Variants in CTNNA1 observed in about 807,000 individuals in gnomAD.
CTNNA1 encodes the protein catenin alpha 1.
A neutral mutation model predicts 98.4 loss-of-function variants in CTNNA1; 37 were observed. That is an observed-to-expected ratio of 0.38 (90% confidence interval 0.29 to 0.49). The LOEUF is 0.49. Ranked by LOEUF, CTNNA1 falls within the 20% of genes least tolerant of loss-of-function variation. The pLI is 0.95. For synonymous variants in CTNNA1, 404 were observed against 413.2 expected, an observed-to-expected ratio of 0.98 and a Z score of 0.27; for missense variants, 761 against 1,147.2, an observed-to-expected ratio of 0.66 and a Z score of 4.86.
At chr5:138,897,900 G>C (rs987780930) in intron 9 of CTNNA1, among the ~76,000 whole-genome samples, 1 of 152,196 alleles carries the variant, frequency 6.6e-6, no homozygotes, top group South Asian at 2.1e-4. Flanking sequence ...TTCTCTTGGA[G>C]CATTGGTAGG....
At chr5:138,754,463 A>G (rs908865613) in intron 1 of CTNNA1, 2 of 152,096 alleles carry the variant, frequency 1.3e-5, no homozygotes, top group Non-Finnish European at 2.9e-5. Flanking sequence ...TACAGAATTT[A>G]CAATTATTTG....
intron 1 of CTNNA1, among the ~76,000 whole-genome samples, chr5:138,756,139 A>G (rs1580829235): frequency 6.6e-6 from 1 of 151,804 alleles, no homozygotes; most frequent in Non-Finnish European, 1.5e-5. Flanking sequence ...CCTGGGTTCA[A>G]GCAACTCTCC....
chr5:138,753,509 A>C lies in CTNNA1; in HGVS notation c.-4A>C, dbSNP rs898367431. On this transcript the variant is annotated splice_region_variant and 5_prime_UTR_variant, in exon 1 of 18. Coordinates refer to ENST00000302763, the MANE Select transcript of CTNNA1 (RefSeq NM_001903.5). ...ATTTAGCGCTCGCCCAGCTAGCCGC[A>C]GGTAACTTCGTACCTCCCTCCTCGC... 8.0e-6 allele frequency: 3 copies of C among 376,934 alleles called. No individual in the cohort carries two copies. The highest frequency in any genetic ancestry group is 6.4e-5 in the African/African-American group (3 of 47,166). The allele number at this position is 376,934 out of a possible 1,614,324, so 23.3% of individuals were successfully genotyped here.
chr5:138,876,152 A>G (rs1751455745), intron 7 of CTNNA1, among the ~76,000 whole-genome samples: 1 of 152,228 alleles, frequency 6.6e-6, no homozygotes, highest in East Asian at 1.9e-4. Flanking sequence ...GATACCGTGT[A>G]GCTGGATTCT....
At chr5:138,824,864 G>A in intron 6 of CTNNA1, 65 bp downstream of exon 6, 1 of 1,497,216 alleles carries the variant, frequency 6.7e-7, no homozygotes, top group Non-Finnish European at 9.2e-7. Context: ...CAGATTTCTG[G>A]GGAAAAGTGA....
intron 3 of CTNNA1, among the ~76,000 whole-genome samples, chr5:138,801,654 T>C (rs990534656): frequency 2.6e-5 from 4 of 152,240 alleles, no homozygotes; most frequent in Admixed American, 6.5e-5. Flanking sequence ...TGGTGATAGT[T>C]CCCTGCAAAT....
intron 3 of CTNNA1, among the ~76,000 whole-genome samples, chr5:138,790,653 C>A (rs1189427170): frequency 6.6e-6 from 1 of 152,142 alleles, no homozygotes; most frequent in Non-Finnish European, 1.5e-5. Context: ...TTAGATTTCT[C>A]TTTACTAATC....
Position 138,782,070 on chromosome 5 carries a change from A to G in CTNNA1, c.105+41A>G, listed in dbSNP as rs375783640. On this transcript the variant is annotated intron_variant, in intron 2 of 17. Coordinates refer to ENST00000302763, the MANE Select transcript of CTNNA1 (RefSeq NM_001903.5). ...CACAAATACATTGTAACATGGTTCTATAGCACAGGCCTGGGTAACAACCAT... is the reference window on the plus strand; with the variant it reads ...CACAAATACATTGTAACATGGTTCTGTAGCACAGGCCTGGGTAACAACCAT... 249 of 1,578,730 alleles carry G rather than the reference A, an allele frequency of 1.6e-4. No individual in the cohort carries two copies. In the African/African-American group the frequency reaches 2.7e-3, roughly 17 times the overall value.
intron 7 of CTNNA1, among the ~76,000 whole-genome samples, chr5:138,835,718 C>T (rs147313485): frequency 2.1e-3 from 326 of 152,164 alleles, no homozygotes; most frequent in African/African-American, 6.6e-3. Flanking sequence ...TACAGTGAAG[C>T]CATTTAACAT....
chr5:138,872,751 C>T lies in CTNNA1; in HGVS notation c.1063-13461C>T, dbSNP rs185124484. 5.3e-3 allele frequency: 1,879 copies of T among 354,390 alleles called. 26 individuals are homozygous for T. Among genetic ancestry groups the T allele is most frequent in the South Asian group, 0.041 (687 of 16,556 alleles). 22.0% of individuals were successfully genotyped at this position (354,390 alleles called of 1,614,324 possible). A position where few individuals can be genotyped will look rare whatever the true frequency, so the allele number is the denominator to read the frequency against. On this transcript the variant is annotated intron_variant, in intron 7 of 17. Coordinates refer to ENST00000302763, the MANE Select transcript of CTNNA1 (RefSeq NM_001903.5). ...GTTTACACACGATTGTATATAATTACATACATTTCTTATTTTGAAGTAAGC... is the reference window on the plus strand; with the variant it reads ...GTTTACACACGATTGTATATAATTATATACATTTCTTATTTTGAAGTAAGC...
chr5:138,829,378 G>A (rs189289811), intron 7 of CTNNA1, among the ~76,000 whole-genome samples: 60 of 152,294 alleles, frequency 3.9e-4, no homozygotes, highest in Admixed American at 2.4e-3. Context: ...ATCATGGGTA[G>A]TGCTGGAAAT....
At chr5:138,889,401 A>G (rs1047520160) in intron 9 of CTNNA1, among the ~76,000 whole-genome samples, 2 of 152,174 alleles carry the variant, frequency 1.3e-5, no homozygotes, top group Admixed American at 1.3e-4. Context: ...TTCTCAGGTA[A>G]GGAAACAGGT....
In CTNNA1 at chr5:138,856,584, C is replaced by T. The variant is rs544115988; in HGVS notation, c.1062+28866C>T. On this transcript the variant is annotated intron_variant, in intron 7 of 17. Transcript: ENST00000302763. ...CTCAAACTCCTGGCCTCAAATGATC[C>T]TCCTGTGTTGGACTCCCAAAGGGCT... Among the ~76,000 whole-genome samples the T allele has an allele frequency of 5.9e-5, 9 of 152,292 alleles. No homozygotes were observed. The South Asian group carries it at 1.9e-3, about 32-fold the overall frequency.
At chr5:138,777,161 G>A (rs1272068809) in intron 1 of CTNNA1, among the ~76,000 whole-genome samples, 47 of 152,006 alleles carry the variant, frequency 3.1e-4, no homozygotes, top group East Asian at 2.0e-4. Flanking sequence ...GGGCAGAGAC[G>A]CTCCTCACCT....
intron 7 of CTNNA1, chr5:138,875,660 T>A (rs1751318213): frequency 2.2e-5 from 22 of 985,472 alleles, no homozygotes; most frequent in Non-Finnish European, 2.7e-5. Flanking sequence ...AGACTGCCGA[T>A]TCTGCATAGA....
chr5:138,759,093 G>A (rs1222572311), intron 1 of CTNNA1, among the ~76,000 whole-genome samples: 3 of 152,182 alleles, frequency 2.0e-5, no homozygotes, highest in Admixed American at 6.5e-5. Context: ...ATGAGCCACC[G>A]TGCCCAGCAA....
chr5:138,917,455 T>C (rs184988117), intron 10 of CTNNA1, among the ~76,000 whole-genome samples: 2 of 152,328 alleles, frequency 1.3e-5, no homozygotes, highest in Admixed American at 1.3e-4. Context: ...TATGTGTCTA[T>C]ATGAGGAGAA....
At chr5:138,931,184 T>TC (rs1765221532) in intron 16 of CTNNA1, 5 of 452,086 alleles carry the variant, frequency 1.1e-5, no homozygotes, top group Non-Finnish European at 2.0e-5. Context: ...GTTCCCTCTC[T>TC]CCCCCTCTGG....
chr5:138,888,788 C>T (rs1754701188), intron 9 of CTNNA1, among the ~76,000 whole-genome samples: 2 of 152,018 alleles, frequency 1.3e-5, no homozygotes, highest in African/African-American at 4.8e-5. Flanking sequence ...GATCTACCCG[C>T]CTTGGCCTCC....
Sources: gnomAD v4.1 joint callset for allele counts (sites outside exome capture counted in the v4.1 genomes callset) on GRCh38, gnomAD v4.1.1 for gene constraint, MANE v1.5 for transcripts, NCBI Gene and HGNC (gene_info 2026-07-23, HGNC 2026-07-21) for gene names.